Variants in CCDC148 observed in about 807,000 individuals in gnomAD.
CCDC148 encodes coiled-coil domain containing 148.
A neutral mutation model predicts 85.7 loss-of-function variants in CCDC148; 89 were observed. The observed-to-expected ratio is 1.04, with a 90% CI of 0.87 to 1.24. The LOEUF (loss-of-function observed/expected upper bound fraction) is 1.24, where lower values mean the gene tolerates loss of function less well. Ranked by LOEUF, CCDC148 falls within the 50% of genes most tolerant of loss-of-function variation. The pLI is 0.00. For synonymous variants in CCDC148, 230 were observed against 213.9 expected, an observed-to-expected ratio of 1.08 and a Z score of -0.66; for missense variants, 692 against 671.7, an observed-to-expected ratio of 1.03 and a Z score of -0.33.
intron 1 of CCDC148, among the ~76,000 whole-genome samples, chr2:158,421,624 C>CAAG (rs1371876810): frequency 6.6e-6 from 1 of 152,068 alleles, no homozygotes; most frequent in Non-Finnish European, 1.5e-5. Flanking sequence ...TAAATGCCCA[C>CAAG]AAGAGAAAGC....
chr2:158,255,018 T>A (rs1332278014), intron 9 of CCDC148, among the ~76,000 whole-genome samples: 1 of 150,452 alleles, frequency 6.6e-6, no homozygotes, highest in Admixed American at 6.6e-5. Flanking sequence ...GTTATGTTGA[T>A]TTTTAAACAG....
chr2:158,270,886 G>A (rs61332154), intron 9 of CCDC148, among the ~76,000 whole-genome samples: 9,795 of 152,170 alleles, frequency 0.064, 380 homozygotes, highest in Non-Finnish European at 0.081. Context: ...AGCCACATAT[G>A]TGCACCCTAT....
At chr2:158,451,783 ATT>A (rs747935328) in intron 1 of CCDC148, among the ~76,000 whole-genome samples, 2 of 151,990 alleles carry the variant, frequency 1.3e-5, no homozygotes, top group African/African-American at 4.8e-5. Flanking sequence ...ATTTTCTACT[ATT>A]TACTTATTAA....
intron 7 of CCDC148, among the ~76,000 whole-genome samples, chr2:158,316,054 T>A (rs1692268059): frequency 6.6e-6 from 1 of 152,218 alleles, no homozygotes; most frequent in African/African-American, 2.4e-5. Context: ...GTCTCAGCTT[T>A]GTTTCAATAG....
intron 1 of CCDC148, among the ~76,000 whole-genome samples, chr2:158,368,527 A>G (rs1192416976): frequency 1.3e-5 from 2 of 152,188 alleles, no homozygotes; most frequent in South Asian, 4.1e-4. Context: ...AGTTTTATAA[A>G]TTATTCCATA....
At chr2:158,399,989 C>A (rs1685703882) in intron 1 of CCDC148, among the ~76,000 whole-genome samples, 1 of 152,072 alleles carries the variant, frequency 6.6e-6, no homozygotes, top group Non-Finnish European at 1.5e-5. Context: ...ATCCAACTTA[C>A]AAGGGATGTG....
chr2:158,172,006 T>C lies in CCDC148; in HGVS notation c.*107A>G. 1.1e-6 allele frequency: 1 copy of C among 878,446 alleles called. No individual in the cohort carries two copies. The allele number at this position is 878,446 out of a possible 1,614,324, so 54.4% of individuals were successfully genotyped here. A position where few individuals can be genotyped will look rare whatever the true frequency, so the allele number is the denominator to read the frequency against. On this transcript the variant is annotated 3_prime_UTR_variant, in exon 14 of 14. Transcript: ENST00000283233. ...AAAGTTGTTTTAATAGATGCTATGA[T>C]TTCTATGTCTGATATTTCAAACATT...
intron 11 of CCDC148, among the ~76,000 whole-genome samples, chr2:158,218,087 G>T (rs1483372368): frequency 1.3e-5 from 2 of 152,150 alleles, no homozygotes; most frequent in East Asian, 3.9e-4. Flanking sequence ...ATTTTTCTGA[G>T]AATTATATGT....
At chr2:158,232,771 AT>A (rs1483941540) in intron 10 of CCDC148, among the ~76,000 whole-genome samples, 60 of 152,238 alleles carry the variant, frequency 3.9e-4, no homozygotes, top group Non-Finnish European at 7.4e-5. Flanking sequence ...GATAAAGCAC[AT>A]TTTTATTCCA....
chr2:158,277,813 G>T (rs1010750048), intron 9 of CCDC148, among the ~76,000 whole-genome samples: 2 of 152,120 alleles, frequency 1.3e-5, no homozygotes, highest in Admixed American at 6.5e-5. Flanking sequence ...AGCCAGGATG[G>T]TCTCAATCTC....
chr2:158,240,168 G>A (rs769314022), intron 10 of CCDC148, among the ~76,000 whole-genome samples: 6 of 151,316 alleles, frequency 4.0e-5, no homozygotes, highest in Non-Finnish European at 8.8e-5. Context: ...AGCCCAAGTT[G>A]GTGTTCAGAG....
intron 1 of CCDC148, among the ~76,000 whole-genome samples, chr2:158,370,694 C>A (rs1449607819): frequency 2.0e-5 from 3 of 151,592 alleles, no homozygotes; most frequent in Non-Finnish European, 2.9e-5. Flanking sequence ...CTGATGGAAC[C>A]AAAAGATGTA....
chr2:158,224,757 A>G lies in CCDC148; in HGVS notation c.1252-4044T>C, dbSNP rs1275765111. ...ATTTTACAGACAAGCAAATGCTGAG[A>G]GATTTTGTCACCACCAGGCCTGCCC... On this transcript the variant is annotated intron_variant, in intron 10 of 13. Transcript: ENST00000283233. Among the ~76,000 whole-genome samples the G allele has an allele frequency of 1.3e-5, 2 of 152,236 alleles. 1 individual carries two copies. The highest frequency in any genetic ancestry group is 3.8e-4 in the East Asian group (2 of 5,196).
chr2:158,307,316 T>C (rs1357768615), intron 9 of CCDC148, among the ~76,000 whole-genome samples: 1 of 152,044 alleles, frequency 6.6e-6, no homozygotes, highest in African/African-American at 2.4e-5. Context: ...AATAAACATA[T>C]GAAAAGACAC....
intron 11 of CCDC148, among the ~76,000 whole-genome samples, chr2:158,190,716 T>A (rs1455418754): frequency 3.3e-5 from 5 of 152,084 alleles, no homozygotes; most frequent in African/African-American, 7.2e-5. Flanking sequence ...GGAACTTTTG[T>A]TGAGGGTTTA....
chr2:158,227,617 C>G (rs1459075155), intron 10 of CCDC148, among the ~76,000 whole-genome samples: 1 of 152,160 alleles, frequency 6.6e-6, no homozygotes, highest in Non-Finnish European at 1.5e-5. Context: ...AGATATAGAT[C>G]AGTGGAACAG....
intron 3 of CCDC148, among the ~76,000 whole-genome samples, chr2:158,342,613 T>G (rs6720406): frequency 0.17 from 25,792 of 152,082 alleles, 3,487 homozygotes; most frequent in African/African-American, 0.38. Context: ...ATGGGTAATT[T>G]TTGATGTTCT....
chr2:158,291,236 T>C (rs1466703539), intron 9 of CCDC148, among the ~76,000 whole-genome samples: 1 of 152,080 alleles, frequency 6.6e-6, no homozygotes, highest in Non-Finnish European at 1.5e-5. Flanking sequence ...TACAGGCATG[T>C]GCCACGGTCC....
intron 10 of CCDC148, among the ~76,000 whole-genome samples, chr2:158,243,745 T>C (rs1003686726): frequency 6.6e-6 from 1 of 152,214 alleles, no homozygotes; most frequent in African/African-American, 2.4e-5. Context: ...AGTAATTTGT[T>C]AACTCTAAGA....
Sources: gnomAD v4.1 joint callset for allele counts (sites outside exome capture counted in the v4.1 genomes callset) on GRCh38, gnomAD v4.1.1 for gene constraint, MANE v1.5 for transcripts, NCBI Gene and HGNC (gene_info 2026-07-23, HGNC 2026-07-21) for gene names.